ARHGAP10: variants seen among roughly 807,000 people sequenced by gnomAD.
ARHGAP10 encodes the protein rho GTPase-activating protein 10.
ARHGAP10 carries 87 observed loss-of-function variants against 108.6 expected under a neutral mutation model. The ratio of observed to expected loss-of-function variants is 0.80; its 90% CI spans 0.67 to 0.96. ARHGAP10 has a LOEUF of 0.96. Among genes scored for constraint, ARHGAP10 ranks in the 40% least tolerant of loss-of-function variants. The probability of loss-of-function intolerance (pLI) is 0.00; values close to 1 mark genes in which losing one functional copy is unlikely to be tolerated. For missense variants in ARHGAP10, 939 were observed against 954.5 expected, an observed-to-expected ratio of 0.98 and a Z score of 0.21; for synonymous variants, 347 against 341.1, an observed-to-expected ratio of 1.02 and a Z score of -0.19.
chr4:147,970,822 T>A (rs1377992183), intron 18 of ARHGAP10, among the ~76,000 whole-genome samples: 1 of 152,216 alleles, frequency 6.6e-6, no homozygotes, highest in Non-Finnish European at 1.5e-5. Flanking sequence ...GCATGGTGGC[T>A]CATGCCTGTA....
intron 18 of ARHGAP10, among the ~76,000 whole-genome samples, chr4:148,007,499 A>G (rs574662519): frequency 5.3e-5 from 8 of 152,282 alleles, no homozygotes; most frequent in African/African-American, 1.9e-4. Context: ...TGATGAGGAT[A>G]TCTTCTGGGG....
intron 1 of ARHGAP10, among the ~76,000 whole-genome samples, chr4:147,781,844 CA>C (rs1329910727): frequency 1.3e-5 from 2 of 152,082 alleles, no homozygotes; most frequent in Non-Finnish European, 2.9e-5. Context: ...CTTTACGCGT[CA>C]GTATTTCCAT....
chr4:147,990,760 G>A (rs1346364355), intron 18 of ARHGAP10, among the ~76,000 whole-genome samples: 2 of 152,108 alleles, frequency 1.3e-5, no homozygotes, highest in African/African-American at 4.8e-5. Context: ...AACAGACGCC[G>A]AGGTCTACTT....
intron 1 of ARHGAP10, among the ~76,000 whole-genome samples, chr4:147,741,105 C>G (rs1301858799): frequency 6.6e-6 from 1 of 152,066 alleles, no homozygotes; most frequent in African/African-American, 2.4e-5. Flanking sequence ...TTTTTTCCTA[C>G]AAGTGACATT....
rs192540052 is a variant in ARHGAP10 at position 148,033,721 on chromosome 4, G to T, written c.1867+10308G>T. Among the ~76,000 whole-genome samples, 219 of 152,262 alleles carry T rather than the reference G, an allele frequency of 1.4e-3. 1 individual carries two copies. The highest frequency in any genetic ancestry group is 4.8e-3 in the African/African-American group (201 of 41,532). ...GGGTATATGTTTAATATTTTGTAAT[G>T]GAAGGACTGAGAAACAGAGTCTAGA... is the stretch of plus-strand genomic sequence containing the variant. On this transcript the variant is annotated intron_variant, in intron 19 of 22. Coordinates refer to ENST00000336498, the MANE Select transcript of ARHGAP10 (RefSeq NM_024605.4).
intron 3 of ARHGAP10, among the ~76,000 whole-genome samples, chr4:147,844,348 C>T (rs1312085370): frequency 6.6e-6 from 1 of 152,114 alleles, no homozygotes; most frequent in Non-Finnish European, 1.5e-5. Flanking sequence ...TCTAACTATA[C>T]TCTTTTAGTT....
intron 1 of ARHGAP10, among the ~76,000 whole-genome samples, chr4:147,768,723 G>T (rs1450818149): frequency 6.8e-6 from 1 of 146,576 alleles, no homozygotes; most frequent in Non-Finnish European, 1.5e-5. Flanking sequence ...GCTTAAAAAT[G>T]GGGGCAAATT....
At chr4:147,734,121 C>T (rs971687556) in intron 1 of ARHGAP10, among the ~76,000 whole-genome samples, 53 of 152,102 alleles carry the variant, frequency 3.5e-4, no homozygotes, top group African/African-American at 1.3e-3. Flanking sequence ...TTGATGTTAA[C>T]CAGAGTCAGT....
At chr4:147,930,325 C>T (rs1005443698) in intron 13 of ARHGAP10, among the ~76,000 whole-genome samples, 7 of 152,064 alleles carry the variant, frequency 4.6e-5, no homozygotes, top group Non-Finnish European at 8.8e-5. Flanking sequence ...ATTTTATTTC[C>T]GTATTTCCCT....
intron 16 of ARHGAP10, among the ~76,000 whole-genome samples, chr4:147,959,033 T>G (rs778083243): frequency 1.8e-4 from 28 of 152,306 alleles, no homozygotes; most frequent in Middle Eastern, 3.4e-3. Flanking sequence ...AGGCTGTTCA[T>G]TCTTTGTCAA....
chr4:147,901,000 G>T (rs1449428645), intron 10 of ARHGAP10, among the ~76,000 whole-genome samples: 1 of 152,014 alleles, frequency 6.6e-6, no homozygotes, highest in Non-Finnish European at 1.5e-5. Flanking sequence ...ACTATTCTGA[G>T]ATTCACCATA....
intron 10 of ARHGAP10, among the ~76,000 whole-genome samples, chr4:147,899,618 C>A (rs1316586121): frequency 1.3e-5 from 2 of 151,854 alleles, no homozygotes; most frequent in Non-Finnish European, 2.9e-5. Flanking sequence ...TGTCATTGCT[C>A]GTGTGCTCTA....
intron 16 of ARHGAP10, among the ~76,000 whole-genome samples, chr4:147,962,106 A>G (rs1378597383): frequency 1.3e-5 from 2 of 152,156 alleles, no homozygotes; most frequent in Non-Finnish European, 2.9e-5. Context: ...CAGCCATTTG[A>G]ATGTCACTTC....
intron 18 of ARHGAP10, among the ~76,000 whole-genome samples, chr4:147,996,182 CTT>C (rs1312114371): frequency 6.6e-6 from 1 of 152,208 alleles, no homozygotes; most frequent in Non-Finnish European, 1.5e-5. Context: ...TTGTCCTCCT[CTT>C]TTCAGAGAAA....
At chr4:147,739,201 AAAG>A (rs1224912729) in intron 1 of ARHGAP10, among the ~76,000 whole-genome samples, 1 of 151,864 alleles carries the variant, frequency 6.6e-6, no homozygotes, top group Admixed American at 6.6e-5. Flanking sequence ...AAAAAAAAAA[AAAG>A]AAAAGAAAAT....
At chr4:147,868,918 G>T (rs1375115765) in intron 7 of ARHGAP10, among the ~76,000 whole-genome samples, 1 of 152,026 alleles carries the variant, frequency 6.6e-6, no homozygotes, top group African/African-American at 2.4e-5. Flanking sequence ...GGTACCTGTC[G>T]GCAGCCTGGG....
chr4:147,873,172 A>C (rs570600420), intron 7 of ARHGAP10, among the ~76,000 whole-genome samples: 1 of 152,278 alleles, frequency 6.6e-6, no homozygotes, highest in South Asian at 2.1e-4. Context: ...CCTTTCCAGG[A>C]CTGGCGCAGG....
At chr4:148,056,023 G>T (rs1440254663) in intron 20 of ARHGAP10, among the ~76,000 whole-genome samples, 2 of 152,180 alleles carry the variant, frequency 1.3e-5, no homozygotes, top group Non-Finnish European at 2.9e-5. Context: ...TCTTTATAAA[G>T]TTTTATTGGA....
intron 18 of ARHGAP10, among the ~76,000 whole-genome samples, chr4:147,977,349 A>G (rs900947282): frequency 1.3e-5 from 2 of 152,066 alleles, no homozygotes; most frequent in African/African-American, 4.8e-5. Context: ...TCTTGAGGGG[A>G]GAGGGTAGTT....
Sources: allele counts gnomAD v4.1 joint callset (sites outside exome capture counted in the v4.1 genomes callset), GRCh38; gene constraint gnomAD v4.1.1; transcripts MANE v1.5; gene names NCBI Gene and HGNC (gene_info 2026-07-23, HGNC 2026-07-21).